SLC45A4: variants seen among roughly 807,000 people sequenced by gnomAD.
The protein encoded by SLC45A4 is solute carrier family 45 member 4.
A neutral mutation model predicts 63.7 loss-of-function variants in SLC45A4; 32 were observed. The observed-to-expected ratio is 0.50, with a 90% CI of 0.38 to 0.67. SLC45A4 has a LOEUF of 0.67. Among genes scored for constraint, SLC45A4 ranks in the 30% least tolerant of loss-of-function variants. The pLI is 0.00. For synonymous variants in SLC45A4, 535 were observed against 510.0 expected (o/e 1.05, Z -0.66); for missense variants, 1,027 against 1,157.7 (o/e 0.89, Z 1.64).
At chr8:141,274,178 G>A (rs887299261) in intron 1 of SLC45A4, among the ~76,000 whole-genome samples, 6 of 151,752 alleles carry the variant, frequency 4.0e-5, no homozygotes, top group Non-Finnish European at 8.8e-5. Context: ...ACAGTGAGCC[G>A]AGATCACGCC....
chr8:141,213,978 G>A (rs557802347), intron 7 of SLC45A4, among the ~76,000 whole-genome samples: 2 of 152,120 alleles, frequency 1.3e-5, no homozygotes, highest in Non-Finnish European at 2.9e-5. Flanking sequence ...AGGCCGAGAC[G>A]GGTGGATCAC....
chr8:141,281,987 C>T (rs1441290992), intron 1 of SLC45A4, among the ~76,000 whole-genome samples: 2 of 152,134 alleles, frequency 1.3e-5, no homozygotes, highest in African/African-American at 2.4e-5. Flanking sequence ...CCTTTCCTAA[C>T]GCCAGGACGC....
intron 3 of SLC45A4, among the ~76,000 whole-genome samples, chr8:141,221,013 C>CT (rs1826589313): frequency 6.6e-6 from 1 of 152,280 alleles, no homozygotes; most frequent in Admixed American, 6.5e-5. Context: ...CCTCCTGCCG[C>CT]TTAACTCCCT....
chr8:141,270,918 C>T (rs1036142421), intron 1 of SLC45A4, among the ~76,000 whole-genome samples: 62 of 152,120 alleles, frequency 4.1e-4, no homozygotes, highest in African/African-American at 1.4e-3. Flanking sequence ...CGGCAAGATC[C>T]CTGACCCCAG....
intron 2 of SLC45A4, among the ~76,000 whole-genome samples, chr8:141,250,636 T>A (rs1416759968): frequency 6.6e-6 from 1 of 152,206 alleles, no homozygotes; most frequent in Admixed American, 6.5e-5. Context: ...CACCTGGGCC[T>A]CCCAAAGTGT....
At chr8:141,307,426 G>A (rs546699144) in intron 1 of SLC45A4, among the ~76,000 whole-genome samples, 1 of 152,292 alleles carries the variant, frequency 6.6e-6, no homozygotes, top group East Asian at 1.9e-4. Flanking sequence ...CCGGGGCAGA[G>A]CCACAGTCTG....
At chr8:141,275,531 G>A (rs1829696053) in intron 1 of SLC45A4, among the ~76,000 whole-genome samples, 1 of 151,860 alleles carries the variant, frequency 6.6e-6, no homozygotes, top group Non-Finnish European at 1.5e-5. Flanking sequence ...CCTGGAATTC[G>A]GGGCTGCAGT....
chr8:141,286,035 T>C (rs1242053671), intron 1 of SLC45A4, among the ~76,000 whole-genome samples: 2 of 152,178 alleles, frequency 1.3e-5, no homozygotes, highest in Admixed American at 6.5e-5. Flanking sequence ...TGGCTCTTGT[T>C]ACTGACCCCA....
Position 141,254,300 on chromosome 8 carries a change from GATAA to G in SLC45A4, c.-75_-72del. On this transcript the variant is annotated 5_prime_UTR_variant, in exon 2 of 9. An upstream open reading frame in the 5' UTR gains an earlier in-frame stop. Coordinates refer to ENST00000517878, the MANE Select transcript of SLC45A4 (RefSeq NM_001286646.2). This position sits in a 1 kb window ranked among gnomAD's most constrained non-coding sequence, Gnocchi z 4.5. ...AATAATGCTTTCATATATCTGTAAT[GATAA>G]ATTAAGACGTCTTCTCTTTCTGCTT... 2 of 1,397,022 alleles carry G rather than the reference GATAA, an allele frequency of 1.4e-6. No individual in the cohort carries two copies. Among genetic ancestry groups the G allele is most frequent in the Non-Finnish European group, 1.9e-6 (2 of 1,061,376 alleles). 86.5% of individuals were successfully genotyped at this position (1,397,022 alleles called of 1,614,324 possible). A position where few individuals can be genotyped will look rare whatever the true frequency, so the allele number is the denominator to read the frequency against.
At chr8:141,273,873 G>A (rs542752100) in intron 1 of SLC45A4, among the ~76,000 whole-genome samples, 3 of 152,334 alleles carry the variant, frequency 2.0e-5, no homozygotes, top group Admixed American at 6.5e-5. Flanking sequence ...CGATGTCCGT[G>A]TGTTTGAAGG....
At chr8:141,288,384 A>G (rs1830228741) in intron 1 of SLC45A4, among the ~76,000 whole-genome samples, 1 of 152,246 alleles carries the variant, frequency 6.6e-6, no homozygotes, top group South Asian at 2.1e-4. Flanking sequence ...AGAGAAATGC[A>G]AATTGCAAGC....
At chr8:141,246,898 T>C (rs1367650181) in intron 2 of SLC45A4, among the ~76,000 whole-genome samples, 2 of 152,198 alleles carry the variant, frequency 1.3e-5, no homozygotes, top group Non-Finnish European at 2.9e-5. Flanking sequence ...GAGGATTGCT[T>C]GAGCCCAGGA....
At chr8:141,243,933 C>G (rs146248718) in intron 2 of SLC45A4, among the ~76,000 whole-genome samples, 6 of 152,116 alleles carry the variant, frequency 3.9e-5, no homozygotes, top group Non-Finnish European at 7.4e-5. Flanking sequence ...TGTCAACTGA[C>G]TGCTTATATT....
intron 2 of SLC45A4, among the ~76,000 whole-genome samples, chr8:141,233,091 C>T (rs976000789): frequency 1.3e-5 from 2 of 152,210 alleles, no homozygotes; most frequent in Admixed American, 1.3e-4. Context: ...GTTAACTTTG[C>T]TAACCTAAAT....
chr8:141,240,680 AG>A (rs1170751663), intron 2 of SLC45A4, among the ~76,000 whole-genome samples: 1 of 152,216 alleles, frequency 6.6e-6, no homozygotes, highest in African/African-American at 2.4e-5. Context: ...TAGAGGTCAG[AG>A]GTTGCAGTGA....
Position 141,218,444 on chromosome 8 carries a change from G to T in SLC45A4, c.1196C>A (p.Thr399Asn). ...SPTKDALGGY[T>N]RVDTKPSATS... ...GGCCGAGGGCTTCGTGTCCACCCTG[G>T]TGTAGCCGCCGAGGGCGTCTTTTGT... The change falls in exon 5 of 9, where the codon ACC (threonine) becomes AAC (asparagine). Residue 399 changes from threonine (T) to asparagine (N), a missense_variant. Physicochemically the swap from Thr to Asn is moderately conservative, Grantham distance 65 (BLOSUM62 0). Transcript: ENST00000517878. 1 of 1,612,576 alleles carries T rather than the reference G, an allele frequency of 6.2e-7. No homozygotes were observed.
chr8:141,282,213 C>T (rs1829978656), intron 1 of SLC45A4, among the ~76,000 whole-genome samples: 1 of 152,194 alleles, frequency 6.6e-6, no homozygotes, highest in African/African-American at 2.4e-5. Flanking sequence ...AGGGTAGAAA[C>T]AGAGCCCGGG....
At chr8:141,240,158 C>T (rs530280199) in intron 2 of SLC45A4, among the ~76,000 whole-genome samples, 48 of 152,188 alleles carry the variant, frequency 3.2e-4, no homozygotes, top group Non-Finnish European at 6.2e-4. Context: ...TGAATTGAGA[C>T]GGACAAGAAT....
intron 1 of SLC45A4, among the ~76,000 whole-genome samples, chr8:141,281,600 C>G (rs941670684): frequency 9.9e-5 from 15 of 152,182 alleles, no homozygotes; most frequent in African/African-American, 3.4e-4. Context: ...CTGAAATGGC[C>G]TTAGGATGAG....
Sources: gnomAD v4.1 joint callset for allele counts (sites outside exome capture counted in the v4.1 genomes callset) on GRCh38, gnomAD v4.1.1 for gene constraint, Gnocchi (gnomAD v3.1) non-coding constraint, MANE v1.5 for transcripts, NCBI Gene and HGNC (gene_info 2026-07-23, HGNC 2026-07-21) for gene names.